The following THADA variants were observed in gnomAD, a reference collection of about 807,000 sequenced individuals.
THADA encodes the protein THADA armadillo repeat containing, also known as tRNA (32-2'-O)-methyltransferase regulator THADA.
In THADA, 213 loss-of-function variants were observed where a neutral mutation model predicts 219.8. The observed-to-expected ratio is 0.97, with a 90% CI of 0.87 to 1.09. The LOEUF (loss-of-function observed/expected upper bound fraction) is 1.09, where lower values mean the gene tolerates loss of function less well. THADA is among the 50% of genes least tolerant of loss of function. The pLI is 0.00. For synonymous variants in THADA, 1,018 were observed against 828.9 expected (o/e 1.23, Z -3.92); for missense variants, 2,956 against 2,311.3 (o/e 1.28, Z -5.72).
At chr2:43,590,281 C>A (rs1701416165) in intron 4 of THADA, among the ~76,000 whole-genome samples, 1 of 152,088 alleles carries the variant, frequency 6.6e-6, no homozygotes, top group Admixed American at 6.5e-5. Flanking sequence ...GACATTTAAA[C>A]ATAACCAATA....
intron 1 of THADA, among the ~76,000 whole-genome samples, chr2:43,595,317 G>A (rs770046075): frequency 6.6e-6 from 1 of 152,180 alleles, no homozygotes; most frequent in Non-Finnish European, 1.5e-5. Context: ...AGCTAGGAAA[G>A]TGTCGACAAC....
At chr2:43,461,923 G>A (rs570066117) in intron 26 of THADA, among the ~76,000 whole-genome samples, 1 of 152,282 alleles carries the variant, frequency 6.6e-6, no homozygotes, top group Non-Finnish European at 1.5e-5. Flanking sequence ...GTTTGCACTG[G>A]CTCCAGGCAA....
chr2:43,235,133 C>T (rs910287678), intron 36 of THADA, among the ~76,000 whole-genome samples: 5 of 150,908 alleles, frequency 3.3e-5, no homozygotes, highest in Admixed American at 2.0e-4. Context: ...GCTCCTGCCA[C>T]CATGGCTGGC....
chr2:43,284,680 C>T (rs1240741900), intron 35 of THADA, among the ~76,000 whole-genome samples: 1 of 152,150 alleles, frequency 6.6e-6, no homozygotes, highest in African/African-American at 2.4e-5. Flanking sequence ...CCTAGTGGAG[C>T]TGCGAGAAGA....
At chr2:43,302,429 A>G (rs769827061) in intron 31 of THADA, among the ~76,000 whole-genome samples, 4 of 150,018 alleles carry the variant, frequency 2.7e-5, no homozygotes, top group East Asian at 1.9e-4. Flanking sequence ...CTTGCATCCA[A>G]TTTGATTTCA....
At chr2:43,248,772 G>A (rs575334503) in intron 36 of THADA, among the ~76,000 whole-genome samples, 12 of 152,214 alleles carry the variant, frequency 7.9e-5, no homozygotes, top group African/African-American at 1.2e-4. Context: ...TCACTCAGAA[G>A]GAGCGGCCCG....
At chr2:43,576,306 T>G (rs1699850299) in intron 10 of THADA, among the ~76,000 whole-genome samples, 2 of 152,208 alleles carry the variant, frequency 1.3e-5, no homozygotes, top group Admixed American at 1.3e-4. Context: ...ACATTTCATA[T>G]ACATGATCAC....
intron 36 of THADA, among the ~76,000 whole-genome samples, chr2:43,268,854 G>T (rs1671818265): frequency 6.6e-6 from 1 of 152,196 alleles, no homozygotes; most frequent in South Asian, 2.1e-4. Context: ...TGGCTGGGGT[G>T]CTCAGGAGGG....
chr2:43,535,459 A>G (rs2103778773), intron 21 of THADA, among the ~76,000 whole-genome samples: 1 of 151,466 alleles, frequency 6.6e-6, no homozygotes, highest in African/African-American at 2.4e-5. Flanking sequence ...CGGGCAGATC[A>G]CCTGAGGTCA....
At chr2:43,418,591 G>A (rs1677303209) in intron 28 of THADA, among the ~76,000 whole-genome samples, 4 of 152,172 alleles carry the variant, frequency 2.6e-5, no homozygotes, top group Non-Finnish European at 4.4e-5. Context: ...ATGTGTGTGA[G>A]ACATGCAGAA....
intron 22 of THADA, among the ~76,000 whole-genome samples, chr2:43,509,014 T>C (rs150807865): frequency 5.9e-5 from 9 of 152,268 alleles, no homozygotes; most frequent in Non-Finnish European, 1.3e-4. Context: ...GTCTGCAAAA[T>C]AAATTTTGAT....
At position 43,261,926 on chromosome 2, in the gene THADA, C is replaced by T. The variant is rs545002188; in HGVS notation, c.5296+17839G>A. Among the ~76,000 whole-genome samples the T allele has an allele frequency of 2.6e-5, 4 of 152,248 alleles. No homozygotes were observed. The South Asian group carries it at 6.2e-4, about 24-fold the overall frequency. Reference sequence around the variant, plus strand: ...TGCTAGGATTACAGGCATGAGCCACCGCGCCTGGCAATTTTTTGTATTTTT... The same window carrying T: ...TGCTAGGATTACAGGCATGAGCCACTGCGCCTGGCAATTTTTTGTATTTTT... On this transcript the variant is annotated intron_variant, in intron 36 of 37. Transcript: ENST00000405975.
At chr2:43,475,325 G>A (rs945469816) in intron 26 of THADA, among the ~76,000 whole-genome samples, 6 of 151,598 alleles carry the variant, frequency 4.0e-5, no homozygotes, top group Admixed American at 3.3e-4. Context: ...TTGAGGCGGC[G>A]GGAGGATGGC....
chr2:43,489,951 A>C (rs1348775468), intron 25 of THADA, among the ~76,000 whole-genome samples: 1 of 151,622 alleles, frequency 6.6e-6, no homozygotes. Flanking sequence ...AATTTGGGGA[A>C]TACGTCATCT....
At chr2:43,333,446 C>A (rs1164221835) in intron 30 of THADA, among the ~76,000 whole-genome samples, 2 of 149,868 alleles carry the variant, frequency 1.3e-5, no homozygotes, top group Non-Finnish European at 3.0e-5. Flanking sequence ...AAAGCAGTTA[C>A]TACCTCTTCC....
In THADA at chr2:43,505,667, G is replaced by C. The variant is rs1330156923; in HGVS notation, c.3576C>G (p.Ile1192Met). Residue 1192 changes from isoleucine (I) to methionine (M), a missense_variant, in exon 24 of 38, where the codon ATC (isoleucine) becomes ATG (methionine). Ile to Met is a conservative substitution (Grantham distance 10). Coordinates refer to ENST00000405975, the MANE Select transcript of THADA (RefSeq NM_022065.5). ...DLLKITMKELISLAGPTDDIQ... is the reference protein window; with the variant it reads ...DLLKITMKELMSLAGPTDDIQ... ...TGTCATCTGTAGGCCCAGCCAAAGAGATTAACTCTTTCATTGTTATTTTCA... is the reference window on the plus strand; with the variant it reads ...TGTCATCTGTAGGCCCAGCCAAAGACATTAACTCTTTCATTGTTATTTTCA... The C allele has an allele frequency of 1.3e-6, 2 of 1,597,782 alleles. No individual in the cohort carries two copies. The highest frequency in any genetic ancestry group is 1.7e-6 in the Non-Finnish European group (2 of 1,171,120).
chr2:43,395,941 G>C (rs910923481), intron 29 of THADA, among the ~76,000 whole-genome samples: 1 of 152,100 alleles, frequency 6.6e-6, no homozygotes, highest in African/African-American at 2.4e-5. Flanking sequence ...AATTTTAGTG[G>C]AGATGGAGTT....
intron 1 of THADA, among the ~76,000 whole-genome samples, chr2:43,594,049 T>C (rs926367018): frequency 2.0e-5 from 3 of 152,106 alleles, no homozygotes; most frequent in Non-Finnish European, 1.5e-5. Context: ...GGGCTACCTT[T>C]TAAACAAAGA....
chr2:43,589,600 T>C (rs1480633867), intron 4 of THADA, among the ~76,000 whole-genome samples: 1 of 152,180 alleles, frequency 6.6e-6, no homozygotes, highest in African/African-American at 2.4e-5. Flanking sequence ...TCAAACATCA[T>C]ATGTTCTCAC....
Sources: allele counts gnomAD v4.1 joint callset (sites outside exome capture counted in the v4.1 genomes callset), GRCh38; gene constraint gnomAD v4.1.1; transcripts MANE v1.5; gene names NCBI Gene and HGNC (gene_info 2026-07-23, HGNC 2026-07-21).